The following NTM variants were observed in gnomAD, a reference collection of about 807,000 sequenced individuals.
NTM encodes the protein neurotrimin.
Under a neutral mutation model 42.1 loss-of-function variants are expected in NTM, and 13 were observed. The ratio of observed to expected loss-of-function variants is 0.31; its 90% CI spans 0.20 to 0.49. NTM has a LOEUF of 0.49. NTM is among the 20% of genes least tolerant of loss of function. NTM has a pLI of 0.99. For missense variants in NTM, 373 were observed against 452.8 expected (o/e 0.82, Z 1.60); for synonymous variants, 187 against 179.2 (o/e 1.04, Z -0.35).
chr11:131,566,127 C>T (rs1291193756), intron 1 of NTM, among the ~76,000 whole-genome samples: 3 of 152,180 alleles, frequency 2.0e-5, no homozygotes, highest in African/African-American at 7.2e-5. Flanking sequence ...AACTGCCCCA[C>T]ACCCGGTCTC....
At chr11:132,062,342 C>G (rs910055120) in intron 2 of NTM, among the ~76,000 whole-genome samples, 2 of 152,124 alleles carry the variant, frequency 1.3e-5, no homozygotes, top group Non-Finnish European at 2.9e-5. Context: ...AGGTGCTGAC[C>G]CAGCTAGTTT....
At chr11:131,757,739 G>T (rs74590937) in intron 1 of NTM, among the ~76,000 whole-genome samples, 6,893 of 152,004 alleles carry the variant, frequency 0.045, 183 homozygotes, top group South Asian at 0.083. Flanking sequence ...CTATTCCCAA[G>T]GTATACATAT....
At chr11:131,807,874 G>T (rs1447616664) in intron 1 of NTM, among the ~76,000 whole-genome samples, 1 of 152,232 alleles carries the variant, frequency 6.6e-6, no homozygotes, top group Non-Finnish European at 1.5e-5. Context: ...CAGATAGTTT[G>T]TGTTGATATG....
chr11:132,213,092 C>T lies in NTM; in HGVS notation c.526+945C>T, dbSNP rs573760635. Among the ~76,000 whole-genome samples the T allele has an allele frequency of 2.0e-5, 3 of 152,272 alleles. No individual in the cohort carries two copies. In the South Asian group the frequency reaches 6.2e-4, roughly 32 times the overall value. Reference sequence around the variant, plus strand: ...GAAGATATTTGTGCAGAGACATGAACAGTGGTCCTTAATTGTGTTGCTTAT... The same window carrying T: ...GAAGATATTTGTGCAGAGACATGAATAGTGGTCCTTAATTGTGTTGCTTAT... On this transcript the variant is annotated intron_variant, in intron 4 of 8. Coordinates refer to ENST00000683400, the MANE Select transcript of NTM (RefSeq NM_001352005.2).
chr11:131,561,691 C>T (rs1312621521), intron 1 of NTM, among the ~76,000 whole-genome samples: 4 of 128,070 alleles, frequency 3.1e-5, no homozygotes, highest in African/African-American at 1.1e-4. Flanking sequence ...GTTAGTATCC[C>T]AGATACTCTG....
intron 2 of NTM, among the ~76,000 whole-genome samples, chr11:131,931,072 A>T (rs2058545869): frequency 6.6e-6 from 1 of 152,214 alleles, no homozygotes; most frequent in Admixed American, 6.5e-5. Context: ...CGAGTGACAT[A>T]GATTTTTTGT....
intron 1 of NTM, among the ~76,000 whole-genome samples, chr11:131,628,566 C>T (rs2063345287): frequency 6.6e-6 from 1 of 152,136 alleles, no homozygotes; most frequent in Admixed American, 6.5e-5. Flanking sequence ...TATTTTGGGC[C>T]TGTCTGGCAG....
chr11:131,595,380 G>T (rs1214782779), intron 1 of NTM, among the ~76,000 whole-genome samples: 1 of 152,186 alleles, frequency 6.6e-6, no homozygotes, highest in African/African-American at 2.4e-5. Flanking sequence ...GGGGAAAAAA[G>T]ACCCTGAAAT....
At chr11:131,818,603 A>T (rs114692489) in intron 1 of NTM, among the ~76,000 whole-genome samples, 1 of 152,194 alleles carries the variant, frequency 6.6e-6, no homozygotes, top group Non-Finnish European at 1.5e-5. Flanking sequence ...TGCCAAAAAC[A>T]GGCCACACTG....
At position 131,993,205 on chromosome 11, in the gene NTM, A is replaced by C. The variant is rs145166835; in HGVS notation, c.167+81557A>C. ...CACTGGCAAATAGTTTGGGAGAGAGAGGCTGCAGGTGAAGCAACTTCTTGG... is the reference window on the plus strand; with the variant it reads ...CACTGGCAAATAGTTTGGGAGAGAGCGGCTGCAGGTGAAGCAACTTCTTGG... On this transcript the variant is annotated intron_variant, in intron 2 of 8. Transcript: ENST00000683400. Among the ~76,000 whole-genome samples the C allele has an allele frequency of 3.3e-5, 5 of 152,264 alleles. 1 individual carries two copies. Among genetic ancestry groups the C allele is most frequent in the African/African-American group, 1.2e-4 (5 of 41,564 alleles).
rs1565494793 is a variant in NTM, at chr11:131,432,839, C to CATTTTTTTTTTTTTTTTTTTTTTTTT, written c.82+61951_82+61952insATTTTTTTTTTTTTTTTTTTTTTTTT. 5.2e-4 allele frequency among the ~76,000 whole-genome samples: 36 copies of CATTTTTTTTTTTTTTTTTTTTTTTTT among 68,698 alleles called. 1 individual carries two copies. The highest frequency in any genetic ancestry group is 7.7e-4 in the Non-Finnish European group (30 of 38,806). The allele number at this position is 68,698 out of a possible 152,430, so 45.1% of individuals were successfully genotyped here. ...CTACAAAAGATGAAGATTTAGCATT[C>CATTTTTTTTTTTTTTTTTTTTTTTTT]TTTTTTTTTTTTTTTTTTTTTTTTT... On this transcript the variant is annotated intron_variant, in intron 1 of 8. Coordinates refer to ENST00000683400, the MANE Select transcript of NTM (RefSeq NM_001352005.2).
rs1177903747 is a variant in NTM, at chr11:131,370,795, A to G, written c.-12A>G. 1 of 1,608,376 alleles carries G rather than the reference A, an allele frequency of 6.2e-7. No individual in the cohort carries two copies. Among genetic ancestry groups the G allele is most frequent in the African/African-American group, 1.3e-5 (1 of 74,450 alleles). On this transcript the variant is annotated 5_prime_UTR_variant, in exon 1 of 9. Coordinates refer to ENST00000683400, the MANE Select transcript of NTM (RefSeq NM_001352005.2). ...CTGACAAAAAAGAAGAAAAAGAAGA[A>G]GAAAAAAAATCATGAAAACCATCCA...
chr11:131,679,424 G>A (rs2072021494), intron 1 of NTM, among the ~76,000 whole-genome samples: 1 of 152,048 alleles, frequency 6.6e-6, no homozygotes, highest in Non-Finnish European at 1.5e-5. Flanking sequence ...GCCTTTAGAA[G>A]GTACTGGGTT....
At chr11:131,535,121 C>G (rs1237267910) in intron 1 of NTM, 1 of 152,004 alleles carries the variant, frequency 6.6e-6, no homozygotes, top group Non-Finnish European at 1.5e-5. Flanking sequence ...CTAGGGTGGT[C>G]CCGGGGACAG....
intron 1 of NTM, among the ~76,000 whole-genome samples, chr11:131,518,594 C>T (rs2049190085): frequency 6.6e-6 from 1 of 152,194 alleles, no homozygotes; most frequent in South Asian, 2.1e-4. Flanking sequence ...TCACTGGACT[C>T]ATTCAAAATT....
intron 1 of NTM, among the ~76,000 whole-genome samples, chr11:131,570,998 T>C (rs1453255726): frequency 1.3e-5 from 2 of 152,224 alleles, no homozygotes; most frequent in African/African-American, 4.8e-5. Context: ...AGCATGGCAG[T>C]GCAGAGTGGT....
At chr11:131,807,921 A>T (rs919640920) in intron 1 of NTM, among the ~76,000 whole-genome samples, 1 of 152,216 alleles carries the variant, frequency 6.6e-6, no homozygotes, top group African/African-American at 2.4e-5. Context: ...TTTCTCTAAA[A>T]GTGACTATCA....
At chr11:131,744,354 T>C (rs1435252410) in intron 1 of NTM, among the ~76,000 whole-genome samples, 1 of 152,222 alleles carries the variant, frequency 6.6e-6, no homozygotes, top group Non-Finnish European at 1.5e-5. Context: ...AATACATGTT[T>C]TTCCCATCTA....
intron 8 of NTM, chr11:132,332,713 G>A (rs2095823171): frequency 1.3e-5 from 2 of 152,190 alleles, no homozygotes; most frequent in African/African-American, 4.8e-5. Flanking sequence ...GTCGTCTCCC[G>A]AGCTGCAGAG....
Sources: gnomAD v4.1 joint callset for allele counts (sites outside exome capture counted in the v4.1 genomes callset) on GRCh38, gnomAD v4.1.1 for gene constraint, MANE v1.5 for transcripts, NCBI Gene and HGNC (gene_info 2026-07-23, HGNC 2026-07-21) for gene names.